CCSER1: variants seen among roughly 807,000 people sequenced by gnomAD.
CCSER1 encodes coiled-coil serine rich protein 1, also known as serine-rich coiled-coil domain-containing protein 1.
A neutral mutation model predicts 82.0 loss-of-function variants in CCSER1; 41 were observed. That is an observed-to-expected ratio of 0.50 (90% CI 0.39 to 0.65). The LOEUF is 0.65. Ranked by LOEUF, CCSER1 falls within the 30% of genes least tolerant of loss-of-function variation. The pLI, the probability that CCSER1 is intolerant of heterozygous loss-of-function variation, is 0.00. For missense variants in CCSER1, 1,119 were observed against 1,064.2 expected, an observed-to-expected ratio of 1.05 and a Z score of -0.72; for synonymous variants, 414 against 383.9, an observed-to-expected ratio of 1.08 and a Z score of -0.92.
rs1178597605 is a variant in CCSER1 at position 91,602,693 on chromosome 4, C to G, written c.*3636C>G. Reference sequence around the variant, plus strand: ...TAGAAGGAAGTGGTTCAAAATAACCCTAAGATTCCATTGAAACATATACAC... The same window carrying G: ...TAGAAGGAAGTGGTTCAAAATAACCGTAAGATTCCATTGAAACATATACAC... On this transcript the variant is annotated 3_prime_UTR_variant, in exon 11 of 11. Transcript: ENST00000509176. Among the ~76,000 whole-genome samples, 3 of 151,986 alleles carry G rather than the reference C, an allele frequency of 2.0e-5. No individual in the cohort carries two copies. The South Asian group carries it at 6.2e-4, about 32-fold the overall frequency.
rs139316899 is a variant in CCSER1 at position 91,209,501 on chromosome 4, C to T, written c.2217+123507C>T. The stretch of plus-strand genomic sequence containing the variant: ...GTTTTTGTCTTTAATTCTGTTTATG[C>T]GATGAATCACATTTATTGATTTGCA... On this transcript the variant is annotated intron_variant, in intron 10 of 10. Transcript: ENST00000509176. 6.4e-3 allele frequency among the ~76,000 whole-genome samples: 970 copies of T among 151,710 alleles called. 10 individuals carry two copies. Among genetic ancestry groups the T allele is most frequent in the Middle Eastern group, 0.01 (3 of 294 alleles).
intron 8 of CCSER1, among the ~76,000 whole-genome samples, chr4:90,882,087 T>C (rs1721416070): frequency 6.6e-6 from 1 of 152,074 alleles, no homozygotes; most frequent in Non-Finnish European, 1.5e-5. Context: ...ATATTTTCAA[T>C]ATTTAATGCT....
chr4:90,382,841 A>G (rs2153532719), intron 3 of CCSER1, among the ~76,000 whole-genome samples: 1 of 151,716 alleles, frequency 6.6e-6, no homozygotes, highest in African/African-American at 2.4e-5. Flanking sequence ...AAAAAATGTT[A>G]CATTTTATGT....
At chr4:91,556,284 T>TTATC (rs1293998876) in intron 10 of CCSER1, among the ~76,000 whole-genome samples, 2 of 84,482 alleles carry the variant, frequency 2.4e-5, no homozygotes, top group African/African-American at 1.3e-4. Flanking sequence ...ATTACCCAAC[T>TTATC]TATCTGTAAA....
intron 10 of CCSER1, among the ~76,000 whole-genome samples, chr4:91,126,885 A>G (rs930810390): frequency 6.6e-6 from 1 of 152,014 alleles, no homozygotes; most frequent in Non-Finnish European, 1.5e-5. Flanking sequence ...GATTGAAGAT[A>G]CAGGGCCTGG....
intron 4 of CCSER1, among the ~76,000 whole-genome samples, chr4:90,423,597 C>A (rs1017192208): frequency 3.9e-5 from 6 of 152,070 alleles, no homozygotes; most frequent in Non-Finnish European, 5.9e-5. Flanking sequence ...GCCTCAGCCC[C>A]CTGAGTAGCT....
Position 90,157,368 on chromosome 4 carries a change from C to T in CCSER1, c.-42+29537C>T, listed in dbSNP as rs950332844. On this transcript the variant is annotated intron_variant, in intron 1 of 10. Transcript: ENST00000509176. Reference sequence around the variant, plus strand: ...TTATGTGTCTTGGAGTTGCTCTTCTCGAGTAGTAGCTTTGTGGCATTCTCT... The same window carrying T: ...TTATGTGTCTTGGAGTTGCTCTTCTTGAGTAGTAGCTTTGTGGCATTCTCT... 2.8e-4 allele frequency among the ~76,000 whole-genome samples: 42 copies of T among 152,214 alleles called. 1 individual carries two copies. Among genetic ancestry groups the T allele is most frequent in the African/African-American group, 9.4e-4 (39 of 41,532 alleles).
intron 10 of CCSER1, among the ~76,000 whole-genome samples, chr4:91,447,569 T>C (rs889396147): frequency 6.6e-6 from 1 of 152,146 alleles, no homozygotes; most frequent in African/African-American, 2.4e-5. Context: ...ATTTGAATTA[T>C]TTAAAAAATA....
At chr4:91,336,701 TAG>T (rs1252521660) in intron 10 of CCSER1, among the ~76,000 whole-genome samples, 5 of 152,116 alleles carry the variant, frequency 3.3e-5, no homozygotes, top group Admixed American at 1.3e-4. Context: ...TTATTCTAAT[TAG>T]AGTTTATTCT....
chr4:91,480,982 GTCAGTCTTAGCCT>G (rs1259258522), intron 10 of CCSER1, among the ~76,000 whole-genome samples: 3 of 152,030 alleles, frequency 2.0e-5, no homozygotes, highest in African/African-American at 7.2e-5. Flanking sequence ...GGGAGAGAGA[GTCAGTCTTAGCCT>G]TCATCTCTGA....
chr4:90,912,895 A>G (rs1483730162), intron 8 of CCSER1, among the ~76,000 whole-genome samples: 4 of 152,206 alleles, frequency 2.6e-5, no homozygotes, highest in Admixed American at 2.6e-4. Context: ...TCAGTGATGG[A>G]AGATCAAATG....
intron 10 of CCSER1, among the ~76,000 whole-genome samples, chr4:91,194,197 C>T (rs112823106): frequency 2.1e-4 from 32 of 152,138 alleles, no homozygotes; most frequent in East Asian, 1.4e-3. Context: ...CTCGAACTCC[C>T]GACCTCAGGT....
At chr4:91,024,052 A>G (rs1740262597) in intron 9 of CCSER1, among the ~76,000 whole-genome samples, 1 of 152,150 alleles carries the variant, frequency 6.6e-6, no homozygotes, top group African/African-American at 2.4e-5. Context: ...GGAGACTGAC[A>G]GTGCTAACAT....
At chr4:91,543,858 G>T (rs989748403) in intron 10 of CCSER1, among the ~76,000 whole-genome samples, 16 of 152,152 alleles carry the variant, frequency 1.1e-4, no homozygotes, top group African/African-American at 3.9e-4. Context: ...ACCTTGCTTG[G>T]TTGGGGAAGT....
At chr4:90,386,447 T>C (rs892885095) in intron 3 of CCSER1, among the ~76,000 whole-genome samples, 4 of 124,450 alleles carry the variant, frequency 3.2e-5, no homozygotes, top group African/African-American at 3.9e-5. Context: ...GAGAGGCACA[T>C]GTAGAAGAAT....
At chr4:91,542,885 A>C (rs1761680409) in intron 10 of CCSER1, among the ~76,000 whole-genome samples, 1 of 152,036 alleles carries the variant, frequency 6.6e-6, no homozygotes, top group African/African-American at 2.4e-5. Context: ...TGATCTGTCT[A>C]ATGTTGACAG....
chr4:91,135,929 A>G (rs1728426150), intron 10 of CCSER1, among the ~76,000 whole-genome samples: 1 of 152,216 alleles, frequency 6.6e-6, no homozygotes. Flanking sequence ...ATATATGCAA[A>G]TAATTGAATG....
intron 6 of CCSER1, among the ~76,000 whole-genome samples, chr4:90,722,593 G>GT (rs537052280): frequency 9.3e-4 from 142 of 151,928 alleles, no homozygotes; most frequent in African/African-American, 3.0e-3. Flanking sequence ...TCTGGTGCAT[G>GT]TATTTTCCTA....
At chr4:91,527,687 A>T (rs539702751) in intron 10 of CCSER1, among the ~76,000 whole-genome samples, 34 of 152,262 alleles carry the variant, frequency 2.2e-4, no homozygotes, top group Admixed American at 2.0e-3. Context: ...AAAGAACTGG[A>T]GATATGTCAT....
Sources: gnomAD v4.1 joint callset for allele counts (sites outside exome capture counted in the v4.1 genomes callset) on GRCh38, gnomAD v4.1.1 for gene constraint, MANE v1.5 for transcripts, NCBI Gene and HGNC (gene_info 2026-07-23, HGNC 2026-07-21) for gene names.